The following DPP10 variants were observed in gnomAD, a reference collection of about 807,000 sequenced individuals.
DPP10 encodes the protein dipeptidyl peptidase like 10, also known as inactive dipeptidyl peptidase 10.
Under a neutral mutation model 120.9 loss-of-function variants are expected in DPP10, and 33 were observed. The ratio of observed to expected loss-of-function variants is 0.27; its 90% confidence interval spans 0.21 to 0.37. The LOEUF (loss-of-function observed/expected upper bound fraction) is 0.37, where lower values mean the gene tolerates loss of function less well. Among genes scored for constraint, DPP10 ranks in the 10% least tolerant of loss-of-function variants. The pLI, the probability that DPP10 is intolerant of heterozygous loss-of-function variation, is 1.00. For missense variants in DPP10, 816 were observed against 942.8 expected (o/e 0.87, Z 1.76); for synonymous variants, 337 against 326.1 (o/e 1.03, Z -0.36).
intron 1 of DPP10, among the ~76,000 whole-genome samples, chr2:115,018,367 C>T (rs1344572727): frequency 6.6e-6 from 1 of 152,082 alleles, no homozygotes; most frequent in Non-Finnish European, 1.5e-5. Flanking sequence ...GGTATATACC[C>T]AAAGGATTAT....
chr2:115,225,803 G>C (rs886749288), intron 1 of DPP10, among the ~76,000 whole-genome samples: 2 of 151,802 alleles, frequency 1.3e-5, no homozygotes, highest in African/African-American at 4.8e-5. Flanking sequence ...AATTGAAAAA[G>C]ATTTTTTTTT....
chr2:115,262,879 A>G (rs919391743), intron 1 of DPP10, among the ~76,000 whole-genome samples: 5 of 120,822 alleles, frequency 4.1e-5, no homozygotes, highest in Non-Finnish European at 8.8e-5. Context: ...CCCAAATTCC[A>G]TGTAATTCTA....
At chr2:115,177,416 G>T (rs1403491335) in intron 1 of DPP10, among the ~76,000 whole-genome samples, 1 of 152,150 alleles carries the variant, frequency 6.6e-6, no homozygotes, top group African/African-American at 2.4e-5. Context: ...TAGTTCGGCA[G>T]TCGGTGCTAA....
At chr2:115,338,930 A>G (rs1052119525) in intron 2 of DPP10, among the ~76,000 whole-genome samples, 11 of 152,210 alleles carry the variant, frequency 7.2e-5, no homozygotes, top group Non-Finnish European at 1.6e-4. Flanking sequence ...AGCACGATTC[A>G]TAAAAGGAAA....
intron 2 of DPP10, among the ~76,000 whole-genome samples, chr2:115,333,372 T>C (rs2106186756): frequency 1.3e-5 from 2 of 152,290 alleles, no homozygotes; most frequent in East Asian, 3.9e-4. Flanking sequence ...CTTGTCTCTT[T>C]ATCCAATTTG....
intron 4 of DPP10, among the ~76,000 whole-genome samples, chr2:115,520,518 T>G (rs997773426): frequency 6.6e-6 from 1 of 152,240 alleles, no homozygotes. Flanking sequence ...CATGATTTTT[T>G]TTTTTAATTT....
chr2:115,291,925 G>A (rs904444325), intron 1 of DPP10, among the ~76,000 whole-genome samples: 3 of 152,122 alleles, frequency 2.0e-5, no homozygotes, highest in African/African-American at 4.8e-5. Flanking sequence ...TAGGAAAATT[G>A]ATTGCCTTTC....
In DPP10 at chr2:115,765,774, T is replaced by G. The variant is rs576422529; in HGVS notation, c.1114-2523T>G. 2.0e-5 allele frequency among the ~76,000 whole-genome samples: 3 copies of G among 152,278 alleles called. No homozygotes were observed. The South Asian group carries it at 6.2e-4, about 32-fold the overall frequency. ...ATAGAATTATTGACTTTATTATAGT[T>G]GAAAGAAGTGATTCACTCAGTCAAG... On this transcript the variant is annotated intron_variant, in intron 12 of 25. Coordinates refer to ENST00000410059, the MANE Select transcript of DPP10 (RefSeq NM_020868.6).
intron 1 of DPP10, among the ~76,000 whole-genome samples, chr2:115,170,635 C>G (rs2053248794): frequency 6.6e-6 from 1 of 152,098 alleles, no homozygotes; most frequent in South Asian, 2.1e-4. Context: ...CATAAGTGGT[C>G]CAATAAATAA....
chr2:115,776,784 T>C (rs2149845298), intron 13 of DPP10, among the ~76,000 whole-genome samples: 1 of 152,268 alleles, frequency 6.6e-6, no homozygotes, highest in Admixed American at 6.6e-5. Flanking sequence ...ATGGCAAATC[T>C]TATAACAATG....
Position 115,064,896 on chromosome 2 carries a change from T to G in DPP10, c.61-244343T>G, listed in dbSNP as rs1573480769. Reference sequence around the variant, plus strand: ...TATTTTATTCTCTTGTACTGAATTGTCTTTTCCTATTTTTCTTTTTTGTTT... The same window carrying G: ...TATTTTATTCTCTTGTACTGAATTGGCTTTTCCTATTTTTCTTTTTTGTTT... On this transcript the variant is annotated intron_variant, in intron 1 of 25. Transcript: ENST00000410059. The G allele has an allele frequency of 4.9e-6, 6 of 1,227,144 alleles. No homozygotes were observed. The East Asian group carries it at 3.5e-4, about 71-fold the overall frequency. The allele number at this position is 1,227,144 out of a possible 1,614,324, so 76.0% of individuals were successfully genotyped here.
At chr2:114,932,440 G>A (rs1285847524) in intron 1 of DPP10, among the ~76,000 whole-genome samples, 4 of 152,272 alleles carry the variant, frequency 2.6e-5, no homozygotes, top group Non-Finnish European at 5.9e-5. Context: ...TAAATAAATT[G>A]TGGTACTTAG....
At chr2:115,432,401 C>T (rs2071076408) in intron 3 of DPP10, among the ~76,000 whole-genome samples, 1 of 151,896 alleles carries the variant, frequency 6.6e-6, no homozygotes, top group Non-Finnish European at 1.5e-5. Flanking sequence ...GTTTTGCTCT[C>T]ATTGGTTCTG....
At chr2:115,004,463 C>T (rs1294357158) in intron 1 of DPP10, among the ~76,000 whole-genome samples, 1 of 152,188 alleles carries the variant, frequency 6.6e-6, no homozygotes, top group African/African-American at 2.4e-5. Context: ...GTACCGGGTT[C>T]ATCTCACTAG....
At chr2:114,830,067 C>G (rs953483987) in intron 1 of DPP10, among the ~76,000 whole-genome samples, 1 of 152,132 alleles carries the variant, frequency 6.6e-6, no homozygotes, top group Admixed American at 6.5e-5. Context: ...GAAAACGCCT[C>G]CCTCACGGGC....
intron 1 of DPP10, among the ~76,000 whole-genome samples, chr2:114,966,217 G>A (rs1699022185): frequency 6.6e-6 from 1 of 152,072 alleles, no homozygotes; most frequent in Admixed American, 6.5e-5. Context: ...CTTACCACCT[G>A]CTATGGTTTG....
chr2:115,303,049 C>T (rs1371984576), intron 1 of DPP10, among the ~76,000 whole-genome samples: 2 of 151,942 alleles, frequency 1.3e-5, no homozygotes, highest in African/African-American at 4.8e-5. Context: ...TAATACTAGA[C>T]AATAGTCCAT....
intron 1 of DPP10, among the ~76,000 whole-genome samples, chr2:114,810,183 G>T (rs149476174): frequency 1.3e-5 from 2 of 152,086 alleles, no homozygotes; most frequent in African/African-American, 4.8e-5. Context: ...TTTACTTCTC[G>T]ATCTGAACTC....
intron 1 of DPP10, among the ~76,000 whole-genome samples, chr2:114,979,264 T>C (rs1206201821): frequency 9.2e-5 from 14 of 152,038 alleles, no homozygotes; most frequent in Non-Finnish European, 1.9e-4. Flanking sequence ...ACAGCTATTC[T>C]ATTTTTTAAA....
Sources: allele counts gnomAD v4.1 joint callset (sites outside exome capture counted in the v4.1 genomes callset), GRCh38; gene constraint gnomAD v4.1.1; transcripts MANE v1.5; gene names NCBI Gene and HGNC (gene_info 2026-07-23, HGNC 2026-07-21).